NGEF: variants seen among roughly 807,000 people sequenced by gnomAD.
NGEF encodes the protein neuronal guanine nucleotide exchange factor.
Under a neutral mutation model 80.9 loss-of-function variants are expected in NGEF, and 31 were observed. The ratio of observed to expected loss-of-function variants is 0.38; its 90% confidence interval spans 0.29 to 0.52. NGEF has a LOEUF of 0.52. NGEF is among the 20% of genes least tolerant of loss of function. NGEF has a pLI of 0.84. For synonymous variants in NGEF, 371 were observed against 370.2 expected (o/e 1.00, Z -0.03); for missense variants, 709 against 926.2 (o/e 0.77, Z 3.04).
At chr2:232,988,119 T>C (rs1214875088) in intron 1 of NGEF, among the ~76,000 whole-genome samples, 1 of 148,624 alleles carries the variant, frequency 6.7e-6, no homozygotes, top group African/African-American at 2.5e-5. Flanking sequence ...GGATGCCTCC[T>C]ACCGCTGTGC....
At chr2:232,987,950 G>T (rs1316536689) in intron 1 of NGEF, among the ~76,000 whole-genome samples, 1 of 152,062 alleles carries the variant, frequency 6.6e-6, no homozygotes, top group African/African-American at 2.4e-5. Flanking sequence ...AGCAATAGGA[G>T]ACCCAAGCTG....
chr2:232,896,203 G>C (rs1692054169), intron 5 of NGEF, among the ~76,000 whole-genome samples: 1 of 152,180 alleles, frequency 6.6e-6, no homozygotes, highest in Non-Finnish European at 1.5e-5. Flanking sequence ...AGACATAATT[G>C]AGTCAAGGAG....
chr2:232,921,103 TC>T (rs951399057), intron 4 of NGEF, among the ~76,000 whole-genome samples: 34 of 152,370 alleles, frequency 2.2e-4, no homozygotes, highest in African/African-American at 6.5e-4. Context: ...TTTTTTGCTT[TC>T]ACAGTTGCAG....
intron 4 of NGEF, among the ~76,000 whole-genome samples, chr2:232,926,003 G>C (rs1024914207): frequency 2.0e-5 from 3 of 152,102 alleles, no homozygotes; most frequent in Admixed American, 6.5e-5. Flanking sequence ...GCTCCTCTCC[G>C]GGCTCAGTTT....
chr2:232,905,088 C>A (rs1692462679), intron 5 of NGEF, among the ~76,000 whole-genome samples: 1 of 151,936 alleles, frequency 6.6e-6, no homozygotes, highest in East Asian at 1.9e-4. Flanking sequence ...CTCCCCTCTC[C>A]CCTCTCTCTC....
intron 1 of NGEF, among the ~76,000 whole-genome samples, chr2:232,992,259 C>G (rs948996358): frequency 6.6e-6 from 1 of 152,084 alleles, no homozygotes; most frequent in Non-Finnish European, 1.5e-5. Flanking sequence ...AAGTGCACCA[C>G]CAAGAAAATT....
At chr2:232,923,438 T>C (rs1692989241) in intron 4 of NGEF, among the ~76,000 whole-genome samples, 2 of 151,994 alleles carry the variant, frequency 1.3e-5, no homozygotes, top group African/African-American at 2.4e-5. Context: ...GGTTGACTGA[T>C]CAAAACCTAC....
intron 9 of NGEF, among the ~76,000 whole-genome samples, chr2:232,886,187 ATGTGTGCTG>A (rs1308139777): frequency 2.0e-5 from 3 of 147,416 alleles, no homozygotes; most frequent in Non-Finnish European, 3.0e-5. Flanking sequence ...TGTATGTGCC[ATGTGTGCTG>A]TGTGTGCTAT....
intron 1 of NGEF, among the ~76,000 whole-genome samples, chr2:232,990,815 A>G (rs1694636165): frequency 6.6e-6 from 1 of 152,132 alleles, no homozygotes; most frequent in South Asian, 2.1e-4. Context: ...TTATTAATAG[A>G]GAAGAAAATG....
chr2:232,975,961 G>A (rs1466432797), intron 1 of NGEF, among the ~76,000 whole-genome samples: 1 of 152,214 alleles, frequency 6.6e-6, no homozygotes, highest in Non-Finnish European at 1.5e-5. Context: ...AGCACTTTGG[G>A]AGGCCGAGGC....
At chr2:232,943,499 A>ATTTT in intron 3 of NGEF, among the ~76,000 whole-genome samples, 1 of 143,086 alleles carries the variant, frequency 7.0e-6, no homozygotes, top group South Asian at 2.2e-4. Flanking sequence ...AATGCTCTAC[A>ATTTT]TTTTTTTTTT....
chr2:232,883,052 AACACACACACACACACAC>A (rs57854484), intron 12 of NGEF, among the ~76,000 whole-genome samples: 12 of 150,378 alleles, frequency 8.0e-5, no homozygotes, highest in South Asian at 4.3e-4. Context: ...GCCCCAAGGG[AACACACACACACACACAC>A]ACACACACAC....
intron 5 of NGEF, among the ~76,000 whole-genome samples, chr2:232,907,194 A>AAG (rs1692586590): frequency 1.3e-5 from 2 of 150,578 alleles, no homozygotes; most frequent in Non-Finnish European, 3.0e-5. Flanking sequence ...AAAAGAAAAA[A>AAG]AAAAAAAAAG....
chr2:232,993,155 A>ATATATATATATTTATT (rs1694694211), intron 1 of NGEF, among the ~76,000 whole-genome samples: 1 of 32,372 alleles, frequency 3.1e-5, no homozygotes, highest in Non-Finnish European at 5.5e-5. Flanking sequence ...ATATGGGCAA[A>ATATATATATATTTATT]TATATATATA....
intron 1 of NGEF, among the ~76,000 whole-genome samples, chr2:232,976,329 T>C (rs1694292930): frequency 6.6e-6 from 1 of 152,054 alleles, no homozygotes; most frequent in Admixed American, 6.6e-5. Flanking sequence ...GAGGGCTGGG[T>C]TTCAGATGCC....
intron 5 of NGEF, among the ~76,000 whole-genome samples, chr2:232,899,256 G>A (rs569182495): frequency 9.2e-5 from 13 of 140,634 alleles, no homozygotes; most frequent in Admixed American, 5.9e-4. Context: ...GTGAACGTAC[G>A]TGTCACTACA....
rs759016865 is a variant in NGEF, at chr2:232,883,517, G to C, written c.1602-51C>G. Reference sequence around the variant, plus strand: ...GTGTCAGCCCCGAGGAGGCCTGTGGGGGTCCCAGGAGAGCCCCACTTGGCA... The same window carrying C: ...GTGTCAGCCCCGAGGAGGCCTGTGGCGGTCCCAGGAGAGCCCCACTTGGCA... On this transcript the variant is annotated intron_variant, in intron 11 of 14. Transcript: ENST00000264051. 2.8e-5 allele frequency: 42 copies of C among 1,482,020 alleles called. 1 individual carries two copies. The South Asian group carries it at 5.6e-4, about 20-fold the overall frequency. The allele number at this position is 1,482,020 out of a possible 1,614,324, so 91.8% of individuals were successfully genotyped here.
Position 232,974,823 on chromosome 2 carries a change from G to A in NGEF, c.68C>T (p.Thr23Ile), listed in dbSNP as rs1694260075. 6.2e-7 allele frequency: 1 copy of A among 1,613,998 alleles called. No individual in the cohort carries two copies. The highest frequency in any genetic ancestry group is 1.1e-5 in the South Asian group (1 of 91,092). The change falls in exon 2 of 15, where the codon ACT (threonine) becomes ATT (isoleucine). Residue 23 changes from threonine to isoleucine, a missense_variant. By Grantham distance (89) the Thr-to-Ile change is moderately conservative. This residue lies in a region of NGEF where 283 missense variants were observed against 303.4 expected (regional missense o/e 0.93). Coordinates refer to ENST00000264051, the MANE Select transcript of NGEF (RefSeq NM_019850.3). ...RRKSASDQWNTDNEPAKVKPE... is the reference protein window; with the variant it reads ...RRKSASDQWNIDNEPAKVKPE... ...TTTCACCTTGGCTGGTTCATTATCA[G>A]TGTTCCATTGATCACTTGCTGATTT...
chr2:233,001,211 T>C (rs190010306), intron 1 of NGEF, among the ~76,000 whole-genome samples: 4 of 152,272 alleles, frequency 2.6e-5, no homozygotes, highest in African/African-American at 7.2e-5. Flanking sequence ...TGGCATTGAG[T>C]GCAACCGTGG....
Sources: allele counts gnomAD v4.1 joint callset (sites outside exome capture counted in the v4.1 genomes callset), GRCh38; gene constraint gnomAD v4.1.1; regional missense constraint gnomAD v4.1.1; transcripts MANE v1.5; gene names NCBI Gene and HGNC (gene_info 2026-07-23, HGNC 2026-07-21).